Variants in ERC1 observed in about 807,000 individuals in gnomAD.
ERC1 encodes RAB6 interacting protein 2.
A neutral mutation model predicts 132.0 loss-of-function variants in ERC1; 56 were observed. The ratio of observed to expected loss-of-function variants is 0.42; its 90% CI spans 0.34 to 0.53. The LOEUF (loss-of-function observed/expected upper bound fraction) is 0.53, where lower values mean the gene tolerates loss of function less well. Ranked by LOEUF, ERC1 falls within the 20% of genes least tolerant of loss-of-function variation. The probability of loss-of-function intolerance (pLI) is 0.03; values close to 1 mark genes in which losing one functional copy is unlikely to be tolerated. For missense variants in ERC1, 1,202 were observed against 1,349.9 expected, an observed-to-expected ratio of 0.89 and a Z score of 1.72; for synonymous variants, 478 against 476.1, an observed-to-expected ratio of 1.00 and a Z score of -0.05.
intron 14 of ERC1, among the ~76,000 whole-genome samples, chr12:1,278,190 C>A (rs946647273): frequency 6.6e-6 from 1 of 152,240 alleles, no homozygotes; most frequent in Admixed American, 6.5e-5. Flanking sequence ...AAAGAGAATT[C>A]TGCCATCTCT....
intron 2 of ERC1, among the ~76,000 whole-genome samples, chr12:1,071,781 C>G (rs1277312297): frequency 6.6e-6 from 1 of 152,108 alleles, no homozygotes; most frequent in Non-Finnish European, 1.5e-5. Flanking sequence ...CCTAAGATAA[C>G]CATCCAAATA....
At chr12:1,022,575 A>T (rs559603666) in intron 1 of ERC1, among the ~76,000 whole-genome samples, 2 of 152,234 alleles carry the variant, frequency 1.3e-5, no homozygotes, top group African/African-American at 4.8e-5. Flanking sequence ...AGTTCCCATA[A>T]TCCCTACATG....
chr12:1,147,021 C>T (rs907251661), intron 8 of ERC1, among the ~76,000 whole-genome samples: 14 of 152,096 alleles, frequency 9.2e-5, no homozygotes, highest in Non-Finnish European at 1.9e-4. Context: ...TCCAGTCTAT[C>T]GTTGTTGGAC....
chr12:1,104,323 C>T (rs530429382), intron 3 of ERC1, among the ~76,000 whole-genome samples: 6 of 152,286 alleles, frequency 3.9e-5, no homozygotes, highest in African/African-American at 1.2e-4. Flanking sequence ...TTGCTTTCCA[C>T]AGCTGCAGTC....
chr12:1,099,630 T>C (rs180891922), intron 3 of ERC1, among the ~76,000 whole-genome samples: 2 of 152,274 alleles, frequency 1.3e-5, no homozygotes, highest in Admixed American at 1.3e-4. Context: ...TTGAGTACTA[T>C]CATTGTACTG....
intron 7 of ERC1, among the ~76,000 whole-genome samples, chr12:1,130,214 A>AGTGGCC (rs1948620675): frequency 6.6e-6 from 1 of 152,210 alleles, no homozygotes; most frequent in Non-Finnish European, 1.5e-5. Context: ...AGACCTCTGC[A>AGTGGCC]ATGGCCAGGC....
intron 12 of ERC1, among the ~76,000 whole-genome samples, chr12:1,213,932 T>C (rs1322199426): frequency 6.6e-6 from 1 of 151,662 alleles, no homozygotes; most frequent in Non-Finnish European, 1.5e-5. Context: ...TAAGGAAAAG[T>C]TGAGTTTTTA....
chr12:1,450,298 C>T lies in ERC1; in HGVS notation c.3213+5548C>T, dbSNP rs142709594. Among the ~76,000 whole-genome samples the T allele has an allele frequency of 4.7e-3, 712 of 152,284 alleles. 5 individuals are homozygous for T. Among genetic ancestry groups the T allele is most frequent in the African/African-American group, 0.016 (666 of 41,544 alleles). On this transcript the variant is annotated intron_variant, in intron 18 of 18. Coordinates refer to ENST00000360905, the MANE Select transcript of ERC1 (RefSeq NM_178040.4). The stretch of plus-strand genomic sequence containing the variant: ...CTCTTTTCATCTTGCAGAACTGAAA[C>T]GCCATACCTGTTAAACAGTAACTCC...
intron 18 of ERC1, among the ~76,000 whole-genome samples, chr12:1,448,004 G>C (rs761928137): frequency 2.0e-5 from 3 of 152,090 alleles, no homozygotes; most frequent in African/African-American, 4.8e-5. Context: ...TTTTCAATAT[G>C]CCTAGATGGA....
chr12:1,437,409 C>T (rs538412875), intron 17 of ERC1, among the ~76,000 whole-genome samples: 2 of 152,266 alleles, frequency 1.3e-5, no homozygotes, highest in South Asian at 2.1e-4. Flanking sequence ...TACAAATTTC[C>T]GAGTACTAAA....
intron 17 of ERC1, among the ~76,000 whole-genome samples, chr12:1,412,668 G>C (rs1158166970): frequency 6.6e-6 from 1 of 152,158 alleles, no homozygotes; most frequent in Non-Finnish European, 1.5e-5. Context: ...CTCTCCACCT[G>C]CCCTGTGACC....
intron 17 of ERC1, among the ~76,000 whole-genome samples, chr12:1,441,334 T>A (rs2093147842): frequency 6.6e-6 from 1 of 152,258 alleles, no homozygotes; most frequent in Non-Finnish European, 1.5e-5. Flanking sequence ...GTGCTGGGAT[T>A]ACAGGCATGA....
intron 2 of ERC1, among the ~76,000 whole-genome samples, chr12:1,062,847 C>G (rs1593040984): frequency 6.6e-6 from 1 of 152,176 alleles, no homozygotes; most frequent in African/African-American, 2.4e-5. Context: ...ATCTATGTCT[C>G]TAGCTCTAAT....
intron 16 of ERC1, among the ~76,000 whole-genome samples, chr12:1,393,212 A>C (rs2090127356): frequency 6.6e-6 from 1 of 152,262 alleles, no homozygotes; most frequent in South Asian, 2.1e-4. Flanking sequence ...AGAAAAGATA[A>C]AATTCCCTCA....
chr12:1,440,618 G>T lies in ERC1; in HGVS notation c.3025-3944G>T, dbSNP rs1461957648. Among the ~76,000 whole-genome samples, 251 of 84,742 alleles carry T rather than the reference G, an allele frequency of 3.0e-3. 33 individuals carry two copies. The highest frequency in any genetic ancestry group is 0.027 in the African/African-American group (231 of 8,550). The allele number at this position is 84,742 out of a possible 152,430, so 55.6% of individuals were successfully genotyped here. A position where few individuals can be genotyped will look rare whatever the true frequency, so the allele number is the denominator to read the frequency against. On this transcript the variant is annotated intron_variant, in intron 17 of 18. Transcript: ENST00000360905. The stretch of plus-strand genomic sequence containing the variant: ...CAGCCTTTTGTGTGTGTGTGTGTGT[G>T]TGTGTGTGTGTGTGTGTGTGTGTGT...
chr12:1,393,607 C>CGTGTGT lies in ERC1; in HGVS notation c.2926-14505_2926-14500dup, dbSNP rs34533745. Among the ~76,000 whole-genome samples, 208 of 140,230 alleles carry CGTGTGT rather than the reference C, an allele frequency of 1.5e-3. 2 individuals are homozygous for CGTGTGT. Among genetic ancestry groups the CGTGTGT allele is most frequent in the Admixed American group, 7.4e-3 (104 of 13,980 alleles). The allele number at this position is 140,230 out of a possible 152,430, so 92.0% of individuals were successfully genotyped here. On this transcript the variant is annotated intron_variant, in intron 16 of 18. Transcript: ENST00000360905. The stretch of plus-strand genomic sequence containing the variant: ...TTTTTTTTCCTTTAGAGAGAACACA[C>CGTGTGT]GTGTGTGTGTGTGTGTGTGTGTGTG...
chr12:1,005,041 G>A (rs1234874213), intron 1 of ERC1, among the ~76,000 whole-genome samples: 1 of 152,102 alleles, frequency 6.6e-6, no homozygotes, highest in East Asian at 1.9e-4. Flanking sequence ...TGCCACGTAG[G>A]TGACTTTTCT....
At chr12:1,347,190 C>T (rs1055186438) in intron 15 of ERC1, among the ~76,000 whole-genome samples, 3 of 152,058 alleles carry the variant, frequency 2.0e-5, no homozygotes, top group African/African-American at 4.8e-5. Context: ...TACTGTTTCA[C>T]GGTATGCTTA....
chr12:1,142,914 A>T (rs574508498), intron 8 of ERC1, among the ~76,000 whole-genome samples: 1 of 152,226 alleles, frequency 6.6e-6, no homozygotes, highest in East Asian at 1.9e-4. Flanking sequence ...TGGCTTATTT[A>T]TTGAGATGGA....
Sources: gnomAD v4.1 joint callset for allele counts (sites outside exome capture counted in the v4.1 genomes callset) on GRCh38, gnomAD v4.1.1 for gene constraint, MANE v1.5 for transcripts, NCBI Gene and HGNC (gene_info 2026-07-23, HGNC 2026-07-21) for gene names.